The following RFTN1 variants were observed in gnomAD, a reference collection of about 807,000 sequenced individuals.
The protein encoded by RFTN1 is raftlin, lipid raft linker 1.
Under a neutral mutation model 46.5 loss-of-function variants are expected in RFTN1, and 26 were observed. That is an observed-to-expected ratio of 0.56 (90% CI 0.41 to 0.78). RFTN1 has a LOEUF of 0.78. RFTN1 is among the 30% of genes least tolerant of loss of function. The probability of loss-of-function intolerance (pLI) is 0.00; values close to 1 mark genes in which losing one functional copy is unlikely to be tolerated. For missense variants in RFTN1, 693 were observed against 718.7 expected (o/e 0.96, Z 0.41); for synonymous variants, 261 against 284.2 (o/e 0.92, Z 0.82).
chr3:16,453,633 A>G (rs1002939361), intron 2 of RFTN1, among the ~76,000 whole-genome samples: 1 of 152,226 alleles, frequency 6.6e-6, no homozygotes, highest in Non-Finnish European at 1.5e-5. Context: ...CAGTGAATTT[A>G]GTGGTATAAT....
At chr3:16,411,876 A>G (rs1311476961) in intron 3 of RFTN1, among the ~76,000 whole-genome samples, 1 of 152,252 alleles carries the variant, frequency 6.6e-6, no homozygotes, top group Non-Finnish European at 1.5e-5. Flanking sequence ...AAATAAGTCA[A>G]TGCTGTATCC....
At chr3:16,495,311 G>T (rs995293212) in intron 1 of RFTN1, among the ~76,000 whole-genome samples, 2 of 152,236 alleles carry the variant, frequency 1.3e-5, no homozygotes, top group African/African-American at 4.8e-5. Flanking sequence ...AAGCAGAAAA[G>T]AAATGGACAA....
rs949028574 is a variant in RFTN1 at position 16,457,402 on chromosome 3, T to C, written c.146-23365A>G. ...AGGAAGAATAACAATATTTAACTGG[T>C]AGGATCTTCATAGGAATCCTATGAA... On this transcript the variant is annotated intron_variant, in intron 2 of 9. Transcript: ENST00000334133. This position sits in a 1 kb window ranked among gnomAD's most constrained non-coding sequence, Gnocchi z 4.2. Among the ~76,000 whole-genome samples, 3 of 152,132 alleles carry C rather than the reference T, an allele frequency of 2.0e-5. No homozygotes were observed. Among genetic ancestry groups the C allele is most frequent in the African/African-American group, 7.2e-5 (3 of 41,426 alleles).
chr3:16,324,998 C>T (rs1430067181), intron 8 of RFTN1, among the ~76,000 whole-genome samples: 1 of 151,942 alleles, frequency 6.6e-6, no homozygotes, highest in East Asian at 1.9e-4. Flanking sequence ...ATAGCCATCC[C>T]AATCAGTGTG....
rs1053832530 is a variant in RFTN1 at position 16,422,034 on chromosome 3, A to C, written c.332+11817T>G. On this transcript the variant is annotated intron_variant, in intron 3 of 9. Transcript: ENST00000334133. This position sits in a 1 kb window ranked among gnomAD's most constrained non-coding sequence, Gnocchi z 4.6. ...CACATCATCTCTCTCCTAATTTTTC[A>C]ATAAAATATATAAAAATAGACACCT... Among the ~76,000 whole-genome samples, 5 of 152,128 alleles carry C rather than the reference A, an allele frequency of 3.3e-5. No individual in the cohort carries two copies. The highest frequency in any genetic ancestry group is 9.7e-5 in the African/African-American group (4 of 41,428).
intron 5 of RFTN1, among the ~76,000 whole-genome samples, chr3:16,373,003 A>C (rs998664544): frequency 2.0e-5 from 3 of 152,204 alleles, no homozygotes; most frequent in African/African-American, 7.2e-5. Context: ...ACCAGCCAAG[A>C]GAACTGTCCA....
At position 16,465,112 on chromosome 3, in the gene RFTN1, A is replaced by G. The variant is rs1559360414; in HGVS notation, c.145+28613T>C. Among the ~76,000 whole-genome samples, 5 of 152,150 alleles carry G rather than the reference A, an allele frequency of 3.3e-5. No individual in the cohort carries two copies. Among genetic ancestry groups the G allele is most frequent in the Admixed American group, 3.3e-4 (5 of 15,274 alleles). ...AAAGGGAGGTGTCTCAGCGAACACA[A>G]TTAAGGGTCTTTCTATTTTTGGAAT... On this transcript the variant is annotated intron_variant, in intron 2 of 9. Transcript: ENST00000334133. This position sits in a 1 kb window ranked among gnomAD's most constrained non-coding sequence, Gnocchi z 5.1.
chr3:16,375,407 T>C (rs1370178663), intron 5 of RFTN1, among the ~76,000 whole-genome samples: 2 of 151,980 alleles, frequency 1.3e-5, no homozygotes, highest in African/African-American at 2.4e-5. Flanking sequence ...CACTCCCTAT[T>C]TGTAAAATGG....
rs372224114 is a variant in RFTN1, at chr3:16,442,129, AAAAACAAAACAAAAC to A, written c.146-8107_146-8093del. ...AACAAACTCATGTATCTGAAACTTA[AAAAACAAAACAAAAC>A]AAAACAAAACAAAACACATATCCAG... On this transcript the variant is annotated intron_variant, in intron 2 of 9. Transcript: ENST00000334133. This position sits in a 1 kb window ranked among gnomAD's most constrained non-coding sequence, Gnocchi z 4.1. Among the ~76,000 whole-genome samples the A allele has an allele frequency of 2.1e-4, 32 of 152,286 alleles. 1 individual carries two copies. Among genetic ancestry groups the A allele is most frequent in the African/African-American group, 7.5e-4 (31 of 41,554 alleles).
intron 2 of RFTN1, chr3:16,472,214 T>C (rs182457770): frequency 2.5e-4 from 38 of 151,892 alleles, no homozygotes; most frequent in Admixed American, 5.2e-4. Context: ...TTGTGAAACT[T>C]GGGACTTTGT....
At chr3:16,398,271 A>AAAAAAAAAAAG (rs1559322564) in intron 4 of RFTN1, among the ~76,000 whole-genome samples, 5 of 149,584 alleles carry the variant, frequency 3.3e-5, no homozygotes, top group African/African-American at 1.2e-4. Context: ...AAAAAAAAAA[A>AAAAAAAAAAAG]AAGAAGCATC....
At chr3:16,324,419 C>A (rs116734273) in intron 8 of RFTN1, among the ~76,000 whole-genome samples, 248 of 152,302 alleles carry the variant, frequency 1.6e-3, no homozygotes, top group African/African-American at 5.8e-3. Context: ...CTTTGATCAA[C>A]ATCTCTCGTT....
In RFTN1 at chr3:16,429,476, T is replaced by C. The variant is rs1343209409; in HGVS notation, c.332+4375A>G. Among the ~76,000 whole-genome samples the C allele has an allele frequency of 6.6e-6, 1 of 152,212 alleles. No individual in the cohort carries two copies. Among genetic ancestry groups the C allele is most frequent in the Non-Finnish European group, 1.5e-5 (1 of 68,034 alleles). ...AAGCTGCCCCTCCAGAAACATTTCC[T>C]TGGTTTCCCTTCCAGTGAGAGGTGG... On this transcript the variant is annotated intron_variant, in intron 3 of 9. Transcript: ENST00000334133. This position sits in a 1 kb window ranked among gnomAD's most constrained non-coding sequence, Gnocchi z 6.4.
At position 16,468,311 on chromosome 3, in the gene RFTN1, T is replaced by C. The variant is rs1161927849; in HGVS notation, c.145+25414A>G. On this transcript the variant is annotated intron_variant, in intron 2 of 9. Coordinates refer to ENST00000334133, the MANE Select transcript of RFTN1 (RefSeq NM_015150.2). This position sits in a 1 kb window ranked among gnomAD's most constrained non-coding sequence, Gnocchi z 4.4. ...CCCAAACCCTCACTGTCGTTCGTTT[T>C]TGAAGTACCTGCATTCTGTCTCGAG... Among the ~76,000 whole-genome samples the C allele has an allele frequency of 6.6e-6, 1 of 152,200 alleles. No individual in the cohort carries two copies. The highest frequency in any genetic ancestry group is 1.5e-5 in the Non-Finnish European group (1 of 68,042).
chr3:16,346,727 C>T lies in RFTN1; in HGVS notation c.1146+11205G>A, dbSNP rs1434589501. On this transcript the variant is annotated intron_variant, in intron 7 of 9. Transcript: ENST00000334133. This position sits in a 1 kb window ranked among gnomAD's most constrained non-coding sequence, Gnocchi z 4.4. ...GCTTTTACTTGCTAATAAAAAGGGA[C>T]GTGTGGCAGGAAAAAACTGCCCCGT... Among the ~76,000 whole-genome samples, 8 of 152,136 alleles carry T rather than the reference C, an allele frequency of 5.3e-5. No individual in the cohort carries two copies. Among genetic ancestry groups the T allele is most frequent in the East Asian group, 3.8e-4 (2 of 5,200 alleles).
intron 6 of RFTN1, among the ~76,000 whole-genome samples, chr3:16,368,244 T>C (rs1265054201): frequency 6.6e-6 from 1 of 152,196 alleles, no homozygotes; most frequent in East Asian, 1.9e-4. Flanking sequence ...TTATGATGCA[T>C]CTGAAACCAG....
chr3:16,439,435 A>G (rs1271299138), intron 2 of RFTN1, among the ~76,000 whole-genome samples: 9 of 152,222 alleles, frequency 5.9e-5, no homozygotes, highest in Non-Finnish European at 8.8e-5. Flanking sequence ...GGCAAGCTAT[A>G]TAGCTCCCTC....
At chr3:16,416,627 G>A (rs1001942808) in intron 3 of RFTN1, among the ~76,000 whole-genome samples, 2 of 152,128 alleles carry the variant, frequency 1.3e-5, no homozygotes, top group South Asian at 4.2e-4. Flanking sequence ...AGGGTATGTT[G>A]TATCTGCCAC....
At chr3:16,363,661 T>C (rs1053441379) in intron 6 of RFTN1, among the ~76,000 whole-genome samples, 1 of 152,254 alleles carries the variant, frequency 6.6e-6, no homozygotes, top group Non-Finnish European at 1.5e-5. Flanking sequence ...GTGCATGCCA[T>C]GACAAGCGGT....
Sources: allele counts gnomAD v4.1 joint callset (sites outside exome capture counted in the v4.1 genomes callset), GRCh38; gene constraint gnomAD v4.1.1; non-coding constraint Gnocchi (gnomAD v3.1); transcripts MANE v1.5; gene names NCBI Gene and HGNC (gene_info 2026-07-23, HGNC 2026-07-21).